Variants in ECE1 observed in about 807,000 individuals in gnomAD.
The protein encoded by ECE1 is endothelin converting enzyme 1, also known as endothelin-converting enzyme 1.
In ECE1, 35 loss-of-function variants were observed where a neutral mutation model predicts 98.6. The ratio of observed to expected loss-of-function variants is 0.35; its 90% confidence interval spans 0.27 to 0.47. The LOEUF is 0.47. Among genes scored for constraint, ECE1 ranks in the 20% least tolerant of loss-of-function variants. The pLI is 1.00. For synonymous variants in ECE1, 394 were observed against 407.1 expected (o/e 0.97, Z 0.39); for missense variants, 814 against 1,025.3 (o/e 0.79, Z 2.81).
intron 1 of ECE1, among the ~76,000 whole-genome samples, chr1:21,309,782 C>CTTTTTTTTTTTTT (rs1223419250): frequency 7.7e-6 from 1 of 130,148 alleles, no homozygotes; most frequent in Non-Finnish European, 1.6e-5. Context: ...TTTTTTCTTT[C>CTTTTTTTTTTTTT]TTTTTTTTTT....
intron 1 of ECE1, among the ~76,000 whole-genome samples, chr1:21,310,550 T>C (rs547069756): frequency 2.0e-5 from 3 of 151,498 alleles, no homozygotes; most frequent in East Asian, 1.9e-4. Context: ...AGGAAGGAGG[T>C]TGCTGTTAGC....
rs113562931 is a variant in ECE1, at chr1:21,245,623, C to G, written c.1164-520G>C. On this transcript the variant is annotated intron_variant, in intron 9 of 18. Coordinates refer to ENST00000374893, the MANE Select transcript of ECE1 (RefSeq NM_001397.3). ...GGAACCTATCTGTAGCTGTTGCCAC[C>G]GTTGCCAAGAAGTCACCTTGAGACT... Among the ~76,000 whole-genome samples the G allele has an allele frequency of 9.8e-5, 15 of 152,304 alleles. 1 individual carries two copies. The highest frequency in any genetic ancestry group is 3.4e-4 in the African/African-American group (14 of 41,572).
chr1:21,342,585 C>T (rs925841939), intron 1 of ECE1, among the ~76,000 whole-genome samples: 1 of 144,516 alleles, frequency 6.9e-6, no homozygotes, highest in Non-Finnish European at 1.5e-5. Flanking sequence ...ACACATCACA[C>T]AGACACACAG....
intron 3 of ECE1, among the ~76,000 whole-genome samples, chr1:21,278,095 C>T (rs1260027378): frequency 1.3e-5 from 2 of 152,136 alleles, no homozygotes; most frequent in East Asian, 1.9e-4. Context: ...ATGGGGTGAG[C>T]GACCGAGTCA....
At position 21,260,738 on chromosome 1, in the gene ECE1, C is replaced by A. The variant is rs149123734; in HGVS notation, c.494-346G>T. On this transcript the variant is annotated intron_variant, in intron 4 of 18. Transcript: ENST00000374893. The surrounding 1 kb of genome is among the most constrained non-coding windows in gnomAD (Gnocchi z 4.3). The stretch of plus-strand genomic sequence containing the variant: ...CCCTGTGGATAACGTGTGGTACGAA[C>A]ACCCCTGCCTGGTGCATGGGACAGA... 5.9e-5 allele frequency among the ~76,000 whole-genome samples: 9 copies of A among 152,354 alleles called. No homozygotes were observed. Among genetic ancestry groups the A allele is most frequent in the East Asian group, 5.8e-4 (3 of 5,192 alleles).
At chr1:21,221,990 C>A (rs1205087195) in intron 17 of ECE1, 148 bp from the exon 18 acceptor site, 6 of 748,104 alleles carry the variant, frequency 8.0e-6, no homozygotes, top group Non-Finnish European at 1.4e-5. Context: ...GGGGAGCCCT[C>A]TTCTTGATGT....
Position 21,256,041 on chromosome 1 carries a change from T to TC in ECE1, c.925dup (p.Asp309GlyfsTer3), listed in dbSNP as rs1225959014. The TC allele has an allele frequency of 6.2e-7, 1 of 1,613,132 alleles. No homozygotes were observed. The highest frequency in any genetic ancestry group is 2.2e-5 in the East Asian group (1 of 44,876). Reference sequence around the variant, plus strand: ...GATGTTGGCCAGTGCCGTCTCAAAGTCCAAGATCTGCTGCATCTGGGGCCG... The same window carrying TC: ...GATGTTGGCCAGTGCCGTCTCAAAGTCCCAAGATCTGCTGCATCTGGGGCCG... On this transcript the variant is annotated frameshift_variant, in exon 8 of 19. Transcript: ENST00000374893. LOFTEE classifies it high-confidence loss of function.
intron 12 of ECE1, 56 bp downstream of exon 12, chr1:21,236,687 CCCT>C (rs2098188647): frequency 6.6e-7 from 1 of 1,519,706 alleles, no homozygotes; most frequent in African/African-American, 1.4e-5. Flanking sequence ...CCTTCCCCCA[CCCT>C]CCTCTATCTG....
intron 1 of ECE1, among the ~76,000 whole-genome samples, chr1:21,342,974 A>G (rs10916961): frequency 0.1 from 15,300 of 152,018 alleles, 2,533 homozygotes; most frequent in African/African-American, 0.35. Context: ...TTGTTTCCTG[A>G]CCCTTTCATA....
In ECE1 at chr1:21,236,803, T is replaced by C; in HGVS notation, c.1431A>G (p.Glu477=). 6.2e-7 allele frequency: 1 copy of C among 1,613,918 alleles called. No homozygotes were observed. ...IILEIKKAFE[E]SLSTLKWMDE... ...CCATCCACTTCAGGGTGCTCAGGCT[T>C]TCCTCAAATGCCTTCTTAATCTCCA... The change falls in exon 12 of 19, where the codon GAA becomes GAG. Residue 477 remains glutamate, a synonymous_variant. Transcript: ENST00000374893.
chr1:21,258,081 C>G lies in ECE1; in HGVS notation c.763-491G>C, dbSNP rs1193414420. On this transcript the variant is annotated intron_variant, in intron 6 of 18. Transcript: ENST00000374893. This position sits in a 1 kb window ranked among gnomAD's most constrained non-coding sequence, Gnocchi z 4.2. ...GGAGGGGAGGGTCAAATTCTGCTTG[C>G]TACTATTGGCACCCATGGCCACATC... Among the ~76,000 whole-genome samples, 1 of 152,204 alleles carries G rather than the reference C, an allele frequency of 6.6e-6. No individual in the cohort carries two copies. Among genetic ancestry groups the G allele is most frequent in the East Asian group, 1.9e-4 (1 of 5,192 alleles).
intron 14 of ECE1, among the ~76,000 whole-genome samples, chr1:21,230,864 T>C (rs75722269): frequency 2.0e-5 from 3 of 152,212 alleles, no homozygotes; most frequent in African/African-American, 7.2e-5. Flanking sequence ...TTAAAAAAAA[T>C]CAGGGCCAGT....
chr1:21,303,503 T>C (rs941224616), intron 1 of ECE1, among the ~76,000 whole-genome samples: 1 of 152,204 alleles, frequency 6.6e-6, no homozygotes, highest in Non-Finnish European at 1.5e-5. Context: ...AGAGAGCACT[T>C]AGGACAGGAC....
At chr1:21,242,942 G>A (rs138849484) in intron 10 of ECE1, among the ~76,000 whole-genome samples, 12 of 152,304 alleles carry the variant, frequency 7.9e-5, no homozygotes, top group African/African-American at 2.9e-4. Flanking sequence ...CACTGCGCCT[G>A]GCTCAGAACT....
At position 21,247,352 on chromosome 1, in the gene ECE1, G is replaced by T. The variant is rs745603421; in HGVS notation, c.1032C>A (p.Pro344=). ...VTAAELQTLA[P]AINWLPFLNT... is the part of the protein sequence containing the mutation. ...TGAGAAAAGGCAACCAGTTGATGGC[G>T]GGTGCCAAGGTCTGCAAGGGAAAAG... Residue 344 remains proline (P), a synonymous_variant, in exon 9 of 19, where the codon CCC becomes CCA. Transcript: ENST00000374893. 1 of 1,614,222 alleles carries T rather than the reference G, an allele frequency of 6.2e-7. No homozygotes were observed. The highest frequency in any genetic ancestry group is 1.1e-5 in the South Asian group (1 of 91,084).
intron 3 of ECE1, among the ~76,000 whole-genome samples, chr1:21,276,332 C>T (rs1167296656): frequency 6.6e-6 from 1 of 151,992 alleles, no homozygotes; most frequent in South Asian, 2.1e-4. Context: ...GGCCTCAATA[C>T]GTGTTTTTGA....
intron 4 of ECE1, 118 bp downstream of exon 4, chr1:21,272,581 C>A (rs562936291): frequency 2.4e-6 from 3 of 1,266,150 alleles, no homozygotes; most frequent in African/African-American, 3.0e-5. Flanking sequence ...TGTGAGCCAC[C>A]GTGCCCGGCC....
Position 21,227,983 on chromosome 1 carries a change from C to A in ECE1, c.1729G>T (p.Val577Leu). The change falls in exon 15 of 19, where the codon GTG becomes TTG. Residue 577 changes from valine (V) to leucine (L), a missense_variant. By Grantham distance (32) the Val-to-Leu change is conservative (BLOSUM62 1). Coordinates refer to ENST00000374893, the MANE Select transcript of ECE1 (RefSeq NM_001397.3). Reference protein sequence around the residue: ...AYYSPTKNEIVFPAGILQAPF... With the variant: ...AYYSPTKNEILFPAGILQAPF... The stretch of plus-strand genomic sequence containing the variant: ...GCCTGCAGGATCCCGGCCGGAAACA[C>A]AATCTCATTCTTGGTGGGCGAGTAG... The A allele has an allele frequency of 1.9e-6, 3 of 1,564,354 alleles. No homozygotes were observed. Among genetic ancestry groups the A allele is most frequent in the Non-Finnish European group, 2.6e-6 (3 of 1,153,180 alleles).
intron 7 of ECE1, among the ~76,000 whole-genome samples, chr1:21,256,934 C>T (rs1210858071): frequency 6.6e-6 from 1 of 152,050 alleles, no homozygotes; most frequent in Non-Finnish European, 1.5e-5. Context: ...ACTCTGTGGG[C>T]GCTTGGTCAA....
Sources: allele counts gnomAD v4.1 joint callset (sites outside exome capture counted in the v4.1 genomes callset), GRCh38; gene constraint gnomAD v4.1.1; non-coding constraint Gnocchi (gnomAD v3.1); transcripts MANE v1.5; gene names NCBI Gene and HGNC (gene_info 2026-07-23, HGNC 2026-07-21).